The following SMOC1 variants were observed in gnomAD, a reference collection of about 807,000 sequenced individuals.
SMOC1 encodes SPARC-related modular calcium-binding protein 1.
A neutral mutation model predicts 56.3 loss-of-function variants in SMOC1; 22 were observed. That is an observed-to-expected ratio of 0.39 (90% CI 0.28 to 0.56). SMOC1 has a LOEUF of 0.56. SMOC1 is among the 20% of genes least tolerant of loss of function. SMOC1 has a pLI of 0.61. For missense variants in SMOC1, 509 were observed against 565.4 expected (o/e 0.90, Z 1.01); for synonymous variants, 193 against 215.0 (o/e 0.90, Z 0.89).
chr14:69,936,958 A>T (rs1460710074), intron 1 of SMOC1, among the ~76,000 whole-genome samples: 1 of 152,174 alleles, frequency 6.6e-6, no homozygotes, highest in African/African-American at 2.4e-5. Flanking sequence ...ATTTATATAC[A>T]TGTTTGATAT....
At chr14:69,952,589 G>T (rs952963083) in intron 2 of SMOC1, among the ~76,000 whole-genome samples, 3 of 152,212 alleles carry the variant, frequency 2.0e-5, no homozygotes, top group Admixed American at 1.3e-4. Context: ...AAAACCGCAA[G>T]ACATTATTGC....
At chr14:69,976,480 C>T (rs962115181) in intron 4 of SMOC1, among the ~76,000 whole-genome samples, 7 of 152,182 alleles carry the variant, frequency 4.6e-5, no homozygotes, top group African/African-American at 1.7e-4. Context: ...GACAAGTTAG[C>T]AAACTATTGC....
chr14:69,888,249 A>G (rs960147042), intron 1 of SMOC1, among the ~76,000 whole-genome samples: 5 of 152,208 alleles, frequency 3.3e-5, no homozygotes, highest in Non-Finnish European at 5.9e-5. Flanking sequence ...GCCATGAATC[A>G]CTTCCAACTG....
intron 1 of SMOC1, among the ~76,000 whole-genome samples, chr14:69,941,981 A>G (rs1283432144): frequency 6.6e-6 from 1 of 152,166 alleles, no homozygotes; most frequent in African/African-American, 2.4e-5. Flanking sequence ...CTGAAGCATA[A>G]TAGGTGCTCA....
intron 3 of SMOC1, among the ~76,000 whole-genome samples, chr14:69,971,039 G>T (rs916591247): frequency 2.6e-5 from 4 of 152,004 alleles, no homozygotes; most frequent in Non-Finnish European, 2.9e-5. Flanking sequence ...TTTTTTTGGA[G>T]ACGGAATCTC....
intron 1 of SMOC1, among the ~76,000 whole-genome samples, chr14:69,883,706 T>C (rs1003611130): frequency 6.6e-6 from 1 of 152,166 alleles, no homozygotes; most frequent in African/African-American, 2.4e-5. Flanking sequence ...ATGTTTTTAC[T>C]GTTTCTCATG....
intron 1 of SMOC1, among the ~76,000 whole-genome samples, chr14:69,883,421 C>T (rs1246834756): frequency 3.3e-5 from 5 of 152,158 alleles, no homozygotes; most frequent in Admixed American, 1.3e-4. Context: ...TTCTTAACGT[C>T]CTCCAGGTTC....
In SMOC1 at chr14:70,010,920, G is replaced by A. The variant is rs771025097; in HGVS notation, c.831G>A (p.Gly277=). 28 of 1,612,956 alleles carry A rather than the reference G, an allele frequency of 1.7e-5. No homozygotes were observed. The highest frequency in any genetic ancestry group is 2.3e-5 in the Non-Finnish European group (27 of 1,180,016). Residue 277 remains glycine, a synonymous_variant, in exon 8 of 12, where the codon GGG becomes GGA. Coordinates refer to ENST00000361956, the MANE Select transcript of SMOC1 (RefSeq NM_001034852.3). ...GCTGGTGTGTGCTGGTGGACACAGG[G>A]CGCCCGCTGCCTGGGACCTCCACAC... ...GYCWCVLVDT[G]RPLPGTSTRY...
intron 3 of SMOC1, among the ~76,000 whole-genome samples, chr14:69,968,433 G>A (rs1426838441): frequency 6.6e-6 from 1 of 152,148 alleles, no homozygotes; most frequent in African/African-American, 2.4e-5. Flanking sequence ...TCTTGGGGGT[G>A]GGGACATAAG....
chr14:69,935,098 T>C (rs1594810615), intron 1 of SMOC1, among the ~76,000 whole-genome samples: 1 of 152,352 alleles, frequency 6.6e-6, no homozygotes, highest in Non-Finnish European at 1.5e-5. Flanking sequence ...TGCAATTGGG[T>C]GCTTTATAGT....
At chr14:69,912,584 A>C (rs926664896) in intron 1 of SMOC1, among the ~76,000 whole-genome samples, 2 of 152,160 alleles carry the variant, frequency 1.3e-5, no homozygotes, top group Non-Finnish European at 2.9e-5. Flanking sequence ...CACATAAAGG[A>C]ATTCCAGCTG....
At chr14:69,940,533 T>C (rs1338267977) in intron 1 of SMOC1, among the ~76,000 whole-genome samples, 3 of 152,188 alleles carry the variant, frequency 2.0e-5, no homozygotes, top group Non-Finnish European at 4.4e-5. Context: ...GGTGCTAATT[T>C]AACAAACCCT....
At chr14:69,942,442 G>C (rs1212597658) in intron 1 of SMOC1, among the ~76,000 whole-genome samples, 1 of 152,084 alleles carries the variant, frequency 6.6e-6, no homozygotes, top group African/African-American at 2.4e-5. Flanking sequence ...TAATTTGCGT[G>C]GAGTACAATT....
Position 69,907,622 on chromosome 14 carries a change from G to A in SMOC1, c.99+27845G>A, listed in dbSNP as rs1417501313. On this transcript the variant is annotated intron_variant, in intron 1 of 11. Coordinates refer to ENST00000361956, the MANE Select transcript of SMOC1 (RefSeq NM_001034852.3). ...ATGTGCCTCTCATTAGCCGACATTCGGTAAGACAGAAAACAAGAGAAGTAT... is the reference window on the plus strand; with the variant it reads ...ATGTGCCTCTCATTAGCCGACATTCAGTAAGACAGAAAACAAGAGAAGTAT... Among the ~76,000 whole-genome samples the A allele has an allele frequency of 4.6e-5, 7 of 152,088 alleles. No individual in the cohort carries two copies. In the South Asian group the frequency reaches 8.3e-4, roughly 18 times the overall value.
chr14:69,997,009 G>A (rs1884789004), intron 7 of SMOC1, among the ~76,000 whole-genome samples: 1 of 152,160 alleles, frequency 6.6e-6, no homozygotes, highest in Non-Finnish European at 1.5e-5. Flanking sequence ...ATAGTAGAGT[G>A]GAATAGTTGT....
At chr14:69,978,519 C>T (rs1028338960) in intron 5 of SMOC1, among the ~76,000 whole-genome samples, 9 of 152,072 alleles carry the variant, frequency 5.9e-5, no homozygotes, top group Admixed American at 2.6e-4. Flanking sequence ...AGTGAAGATG[C>T]GAGTGAGTGG....
chr14:69,970,941 A>G (rs979032447), intron 3 of SMOC1, among the ~76,000 whole-genome samples: 3 of 152,220 alleles, frequency 2.0e-5, no homozygotes, highest in Admixed American at 6.5e-5. Context: ...TCTTGCCAAA[A>G]ATATTAAAGT....
At chr14:69,881,054 C>A (rs1198346837) in intron 1 of SMOC1, among the ~76,000 whole-genome samples, 1 of 152,164 alleles carries the variant, frequency 6.6e-6, no homozygotes, top group Non-Finnish European at 1.5e-5. Context: ...CTTTTATGAC[C>A]AGATGTGCAA....
chr14:69,937,581 C>T (rs1402583510), intron 1 of SMOC1, among the ~76,000 whole-genome samples: 2 of 152,174 alleles, frequency 1.3e-5, no homozygotes, highest in Admixed American at 6.5e-5. Context: ...CGAAGTCAGA[C>T]GTGAGCCTGG....
Sources: allele counts gnomAD v4.1 joint callset (sites outside exome capture counted in the v4.1 genomes callset), GRCh38; gene constraint gnomAD v4.1.1; transcripts MANE v1.5; gene names NCBI Gene and HGNC (gene_info 2026-07-23, HGNC 2026-07-21).